The following CSMD1 variants were observed in gnomAD, a reference collection of about 807,000 sequenced individuals.
The protein encoded by CSMD1 is CUB and Sushi multiple domains 1.
In CSMD1, 213 loss-of-function variants were observed where a neutral mutation model predicts 417.5. That is an observed-to-expected ratio of 0.51 (90% CI 0.46 to 0.57). The LOEUF (loss-of-function observed/expected upper bound fraction) is 0.57. Among genes scored for constraint, CSMD1 ranks in the 20% least tolerant of loss-of-function variants. The pLI is 0.00. For synonymous variants in CSMD1, 2,862 were observed against 1,736.8 expected (o/e 1.65, Z -16.11); for missense variants, 6,923 against 4,529.7 (o/e 1.53, Z -15.17).
chr8:4,652,816 A>T (rs1803989848), intron 1 of CSMD1, among the ~76,000 whole-genome samples: 1 of 152,046 alleles, frequency 6.6e-6, no homozygotes, highest in African/African-American at 2.4e-5. Context: ...GGGGCATTAG[A>T]TTCTCATAAA....
At chr8:3,240,296 G>A (rs1799413576) in intron 26 of CSMD1, among the ~76,000 whole-genome samples, 1 of 152,148 alleles carries the variant, frequency 6.6e-6, no homozygotes, top group South Asian at 2.1e-4. Context: ...ACGGAAAGAG[G>A]AGTGGGGAAA....
intron 3 of CSMD1, among the ~76,000 whole-genome samples, chr8:4,215,119 T>C (rs974527343): frequency 4.6e-5 from 7 of 152,162 alleles, no homozygotes; most frequent in African/African-American, 1.4e-4. Flanking sequence ...TAGGTCTCAG[T>C]TCTCAGGGTG....
chr8:3,833,677 T>G (rs1295873249), intron 5 of CSMD1, among the ~76,000 whole-genome samples: 1 of 152,062 alleles, frequency 6.6e-6, no homozygotes, highest in East Asian at 1.9e-4. Context: ...AAAAATAAAT[T>G]ATCCTTTTCT....
intron 5 of CSMD1, among the ~76,000 whole-genome samples, chr8:3,782,809 A>G (rs1324457910): frequency 1.3e-5 from 2 of 152,230 alleles, no homozygotes; most frequent in Non-Finnish European, 2.9e-5. Context: ...TGATTTTATA[A>G]GAGGTTTTTC....
intron 1 of CSMD1, among the ~76,000 whole-genome samples, chr8:4,794,387 A>T (rs972366108): frequency 6.6e-6 from 1 of 152,202 alleles, no homozygotes; most frequent in Non-Finnish European, 1.5e-5. Flanking sequence ...CATCCCCATT[A>T]GAAAATCAAG....
At chr8:4,888,480 C>A (rs1254879942) in intron 1 of CSMD1, among the ~76,000 whole-genome samples, 1 of 151,776 alleles carries the variant, frequency 6.6e-6, no homozygotes, top group African/African-American at 2.4e-5. Flanking sequence ...TGTGAGCACA[C>A]ATACAGAAGG....
chr8:4,692,240 C>G (rs545300603), intron 1 of CSMD1, among the ~76,000 whole-genome samples: 1 of 152,196 alleles, frequency 6.6e-6, no homozygotes, highest in South Asian at 2.1e-4. Context: ...CCTCTGCAAG[C>G]CACTCCCAAC....
intron 5 of CSMD1, among the ~76,000 whole-genome samples, chr8:3,929,515 A>C (rs1809988444): frequency 6.6e-6 from 1 of 150,406 alleles, no homozygotes; most frequent in African/African-American, 2.5e-5. Context: ...TTGAAATTCA[A>C]AGTCAACGTC....
chr8:4,993,839 C>T (rs924196702), intron 1 of CSMD1, among the ~76,000 whole-genome samples: 3 of 152,070 alleles, frequency 2.0e-5, no homozygotes, highest in African/African-American at 4.8e-5. Flanking sequence ...GCCGGGCCGG[C>T]GGAGACCTTT....
intron 5 of CSMD1, among the ~76,000 whole-genome samples, chr8:3,936,814 A>G (rs936048483): frequency 8.5e-5 from 13 of 152,212 alleles, no homozygotes; most frequent in African/African-American, 3.1e-4. Context: ...AATATGTTTC[A>G]TAAGGCTATT....
intron 3 of CSMD1, among the ~76,000 whole-genome samples, chr8:4,326,209 T>G (rs1178418483): frequency 3.9e-5 from 6 of 152,144 alleles, no homozygotes; most frequent in Non-Finnish European, 8.8e-5. Context: ...GCTGCCGATT[T>G]GGGAACACTG....
intron 23 of CSMD1, among the ~76,000 whole-genome samples, chr8:3,327,289 C>T (rs1244246113): frequency 1.3e-5 from 2 of 152,052 alleles, no homozygotes; most frequent in African/African-American, 4.8e-5. Flanking sequence ...ACTACAGGCA[C>T]CCACCACCAC....
intron 5 of CSMD1, among the ~76,000 whole-genome samples, chr8:3,821,222 G>T (rs1305249624): frequency 6.6e-6 from 1 of 152,062 alleles, no homozygotes; most frequent in African/African-American, 2.4e-5. Flanking sequence ...CCAGCTCTAG[G>T]TTAACTTTTT....
At chr8:4,637,183 C>A (rs535119169) in intron 2 of CSMD1, among the ~76,000 whole-genome samples, 159 bp downstream of exon 2, 16 of 151,372 alleles carry the variant, frequency 1.1e-4, no homozygotes, top group Admixed American at 9.2e-4. Flanking sequence ...AAAACTCACC[C>A]CAAAGGTCTG....
At chr8:3,681,917 T>C (rs367577729) in intron 7 of CSMD1, among the ~76,000 whole-genome samples, 3 of 152,012 alleles carry the variant, frequency 2.0e-5, no homozygotes, top group African/African-American at 4.8e-5. Context: ...CTTTGACAAA[T>C]CTGACAAAAA....
At chr8:3,803,278 A>G (rs898726889) in intron 5 of CSMD1, among the ~76,000 whole-genome samples, 2 of 152,172 alleles carry the variant, frequency 1.3e-5, no homozygotes, top group African/African-American at 2.4e-5. Flanking sequence ...TTCTCATTGC[A>G]TAAAGTTGAC....
At chr8:4,106,832 C>T (rs1585325870) in intron 3 of CSMD1, among the ~76,000 whole-genome samples, 2 of 152,116 alleles carry the variant, frequency 1.3e-5, no homozygotes, top group Non-Finnish European at 2.9e-5. Flanking sequence ...ACACACTATC[C>T]GAAGTCAGAG....
rs185147849 is a variant in CSMD1, at chr8:4,023,186, T to A, written c.610+8719A>T. 1.7e-4 allele frequency among the ~76,000 whole-genome samples: 26 copies of A among 152,298 alleles called. No individual in the cohort carries two copies. In the East Asian group the frequency reaches 4.3e-3, roughly 25 times the overall value. On this transcript the variant is annotated intron_variant, in intron 4 of 69. Transcript: ENST00000635120. Reference sequence around the variant, plus strand: ...AGTTCTTCCTTTTCACCCAGTGCAATGTTGCAGGCTACAGACCTTCAGGGA... The same window carrying A: ...AGTTCTTCCTTTTCACCCAGTGCAAAGTTGCAGGCTACAGACCTTCAGGGA...
chr8:3,422,123 T>C (rs141746536), intron 12 of CSMD1, among the ~76,000 whole-genome samples: 2 of 152,200 alleles, frequency 1.3e-5, no homozygotes, highest in African/African-American at 4.8e-5. Context: ...CAATGAAATC[T>C]CCAAGGTCAC....
Sources: allele counts gnomAD v4.1 joint callset (sites outside exome capture counted in the v4.1 genomes callset), GRCh38; gene constraint gnomAD v4.1.1; transcripts MANE v1.5; gene names NCBI Gene and HGNC (gene_info 2026-07-23, HGNC 2026-07-21).